UGT1A8: variants seen among roughly 807,000 people sequenced by gnomAD.
The protein encoded by UGT1A8 is UDP glucuronosyltransferase family 1 member A8.
In UGT1A8, 39 loss-of-function variants were observed where a neutral mutation model predicts 45.3. The ratio of observed to expected loss-of-function variants is 0.86; its 90% CI spans 0.67 to 1.12. The LOEUF (loss-of-function observed/expected upper bound fraction) is 1.12, where lower values mean the gene tolerates loss of function less well. UGT1A8 is among the 50% of genes most tolerant of loss of function. UGT1A8 has a pLI of 0.00. For synonymous variants in UGT1A8, 275 were observed against 249.2 expected (o/e 1.10, Z -0.97); for missense variants, 719 against 664.9 (o/e 1.08, Z -0.90).
intron 1 of UGT1A8, among the ~76,000 whole-genome samples, chr2:233,656,653 A>G (rs1414278473): frequency 6.6e-6 from 1 of 152,030 alleles, no homozygotes; most frequent in Non-Finnish European, 1.5e-5. Context: ...TCTCATCTCT[A>G]TTTTAACACT....
At chr2:233,676,487 G>A (rs986266023) in intron 1 of UGT1A8, among the ~76,000 whole-genome samples, 4 of 152,174 alleles carry the variant, frequency 2.6e-5, no homozygotes, top group African/African-American at 9.6e-5. Context: ...GACGCATAAT[G>A]ATGAGCTAAA....
At chr2:233,671,767 T>C (rs1312644770) in intron 1 of UGT1A8, 4 of 1,359,884 alleles carry the variant, frequency 2.9e-6, no homozygotes, top group Non-Finnish European at 3.9e-6. Flanking sequence ...AAGCTACTCA[T>C]ATATTCTTGT....
intron 1 of UGT1A8, chr2:233,636,838 T>C (rs1441464711): frequency 5.0e-6 from 8 of 1,614,086 alleles, no homozygotes; most frequent in Non-Finnish European, 6.8e-6. Context: ...ACAAAGTATA[T>C]TTTCTCTATT....
chr2:233,728,352 A>G (rs1195036531), intron 1 of UGT1A8, among the ~76,000 whole-genome samples: 1 of 152,154 alleles, frequency 6.6e-6, no homozygotes, highest in Non-Finnish European at 1.5e-5. Context: ...GGTGAGCAGG[A>G]GCTCCCTGAA....
Position 233,618,487 on chromosome 2 carries a change from C to T in UGT1A8, c.780C>T (p.Asp260=), listed in dbSNP as rs762851423. ...IWLLRTDFVL[D]YPKPVMPNMI... Reference sequence around the variant, plus strand: ...TGTTGCGAACAGACTTTGTTTTGGACTATCCCAAACCCGTGATGCCCAATA... The same window carrying T: ...TGTTGCGAACAGACTTTGTTTTGGATTATCCCAAACCCGTGATGCCCAATA... Residue 260 remains aspartate, a synonymous_variant, in exon 1 of 5, where the codon GAC becomes GAT. Coordinates refer to ENST00000373450, the MANE Select transcript of UGT1A8 (RefSeq NM_019076.5). 1 of 1,613,914 alleles carries T rather than the reference C, an allele frequency of 6.2e-7. No individual in the cohort carries two copies. The highest frequency in any genetic ancestry group is 1.7e-5 in the Admixed American group (1 of 60,018).
chr2:233,622,517 C>T (rs2073027379), intron 1 of UGT1A8, among the ~76,000 whole-genome samples: 1 of 152,156 alleles, frequency 6.6e-6, no homozygotes, highest in South Asian at 2.1e-4. Context: ...CTGTTGGCTG[C>T]ATAAATGTCT....
intron 4 of UGT1A8, among the ~76,000 whole-genome samples, chr2:233,771,783 TCTCCCTCCCTCC>T (rs562104634): frequency 6.6e-6 from 1 of 151,556 alleles, no homozygotes; most frequent in African/African-American, 2.4e-5. Context: ...TCCTTTCCTC[TCTCCCTCCCTCC>T]CTCCCTCCCT....
At chr2:233,693,021 G>A (rs115279280) in intron 1 of UGT1A8, 78 of 1,614,090 alleles carry the variant, frequency 4.8e-5, no homozygotes, top group Middle Eastern at 1.7e-4. Flanking sequence ...TGCCTCCTTC[G>A]CTCATTTCAG....
In UGT1A8 at chr2:233,617,717, A is replaced by G. The variant is rs775334191; in HGVS notation, c.10A>G (p.Thr4Ala). MAR[T>A]GWTSPIPLCV... is the part of the protein sequence containing the mutation. ...GGGCTGCAGTTCTCTCATGGCTCGC[A>G]CAGGGTGGACCAGCCCCATTCCCCT... Residue 4 changes from threonine to alanine, a missense_variant, in exon 1 of 5, where the codon ACA becomes GCA. Transcript: ENST00000373450. The G allele has an allele frequency of 6.8e-6, 11 of 1,612,864 alleles. No individual in the cohort carries two copies. Among genetic ancestry groups the G allele is most frequent in the Non-Finnish European group, 7.6e-6 (9 of 1,179,490 alleles).
At chr2:233,626,702 C>A (rs1248806360) in intron 1 of UGT1A8, among the ~76,000 whole-genome samples, 2 of 152,154 alleles carry the variant, frequency 1.3e-5, no homozygotes, top group African/African-American at 4.8e-5. Context: ...TATTGACAAT[C>A]TTTTCCATAG....
intron 1 of UGT1A8, among the ~76,000 whole-genome samples, chr2:233,737,953 A>C (rs1429614905): frequency 6.6e-6 from 1 of 152,112 alleles, no homozygotes; most frequent in East Asian, 1.9e-4. Context: ...GTTTCCCAAC[A>C]TGAGGTCACA....
At chr2:233,684,734 A>G (rs2074696944) in intron 1 of UGT1A8, among the ~76,000 whole-genome samples, 1 of 152,040 alleles carries the variant, frequency 6.6e-6, no homozygotes, top group African/African-American at 2.4e-5. Flanking sequence ...AATAGAAAAT[A>G]AATATAATTA....
intron 1 of UGT1A8, chr2:233,637,207 G>A (rs777936972): frequency 1.2e-6 from 2 of 1,613,804 alleles, no homozygotes; most frequent in Non-Finnish European, 1.7e-6. Flanking sequence ...AAATGCCCTA[G>A]AAATAGCCTC....
intron 1 of UGT1A8, chr2:233,718,927 C>T (rs149779946): frequency 8.1e-5 from 131 of 1,614,002 alleles, no homozygotes; most frequent in Non-Finnish European, 1.0e-4. Context: ...GTGGTGCCCA[C>T]TGATGGCAGC....
intron 1 of UGT1A8, chr2:233,693,169 G>C (rs2075135858): frequency 6.2e-7 from 1 of 1,614,188 alleles, no homozygotes; most frequent in African/African-American, 1.3e-5. Flanking sequence ...GGGGTCATGA[G>C]ATTGTAGTGG....
At chr2:233,688,191 G>A (rs924527532) in intron 1 of UGT1A8, among the ~76,000 whole-genome samples, 8 of 152,098 alleles carry the variant, frequency 5.3e-5, no homozygotes, top group African/African-American at 1.7e-4. Flanking sequence ...CTTTATGACC[G>A]GCTTCTTTCA....
At chr2:233,701,905 A>G (rs2075659250) in intron 1 of UGT1A8, among the ~76,000 whole-genome samples, 1 of 152,218 alleles carries the variant, frequency 6.6e-6, no homozygotes, top group Non-Finnish European at 1.5e-5. Flanking sequence ...AAGATCTAAA[A>G]TTGACACCCT....
At position 233,690,504 on chromosome 2, in the gene UGT1A8, A is replaced by C. The variant is rs750850390; in HGVS notation, c.855+71942A>C. 7 of 1,289,246 alleles carry C rather than the reference A, an allele frequency of 5.4e-6. No homozygotes were observed. The South Asian group carries it at 7.4e-5, about 14-fold the overall frequency. The allele number at this position is 1,289,246 out of a possible 1,614,324, so 79.9% of individuals were successfully genotyped here. ...GGGAAATCTGCTCTTGCCAACAGAG[A>C]TTTGTTTTATCTTAGGATCTACTTC... On this transcript the variant is annotated intron_variant, in intron 1 of 4. Coordinates refer to ENST00000373450, the MANE Select transcript of UGT1A8 (RefSeq NM_019076.5).
chr2:233,637,246 T>C, intron 1 of UGT1A8: 2 of 1,613,992 alleles, frequency 1.2e-6, no homozygotes, highest in Non-Finnish European at 1.7e-6. Flanking sequence ...TGTCACGGCA[T>C]ATGATCTCTA....
Sources: gnomAD v4.1 joint callset for allele counts (sites outside exome capture counted in the v4.1 genomes callset) on GRCh38, gnomAD v4.1.1 for gene constraint, MANE v1.5 for transcripts, NCBI Gene and HGNC (gene_info 2026-07-23, HGNC 2026-07-21) for gene names.